Variants in SLC6A15 observed in about 807,000 individuals in gnomAD.
The protein encoded by SLC6A15 is sodium-dependent neutral amino acid transporter B(0)AT2.
In SLC6A15, 33 loss-of-function variants were observed where a neutral mutation model predicts 68.5. That is an observed-to-expected ratio of 0.48 (90% CI 0.37 to 0.64). The LOEUF is 0.64. Ranked by LOEUF, SLC6A15 falls within the 30% of genes least tolerant of loss-of-function variation. The pLI is 0.00. For synonymous variants in SLC6A15, 347 were observed against 301.0 expected, an observed-to-expected ratio of 1.15 and a Z score of -1.58; for missense variants, 747 against 874.3, an observed-to-expected ratio of 0.85 and a Z score of 1.84.
At chr12:84,863,404 C>A (rs776111840) in intron 11 of SLC6A15, 35 bp downstream of exon 11, 5 of 1,502,278 alleles carry the variant, frequency 3.3e-6, no homozygotes, top group Non-Finnish European at 8.9e-7. Flanking sequence ...TTTTATATAT[C>A]TTTTAAAAAT....
intron 4 of SLC6A15, 116 bp downstream of exon 4, chr12:84,885,319 G>T: frequency 1.0e-6 from 1 of 987,890 alleles, no homozygotes; most frequent in Non-Finnish European, 1.4e-6. Context: ...CTGTTATAAT[G>T]ATAATTTTGA....
chr12:84,879,265 T>A (rs1406443774), intron 5 of SLC6A15, among the ~76,000 whole-genome samples: 2 of 151,794 alleles, frequency 1.3e-5, no homozygotes, highest in African/African-American at 2.4e-5. Context: ...AAAATTTACA[T>A]CCCCCGTGAA....
At chr12:84,895,686 A>G (rs988106902) in intron 1 of SLC6A15, among the ~76,000 whole-genome samples, 15 of 152,082 alleles carry the variant, frequency 9.9e-5, no homozygotes, top group Admixed American at 5.9e-4. Flanking sequence ...CCCACTGAAC[A>G]TAAGAATTGA....
At chr12:84,898,100 G>C (rs1441251159) in intron 1 of SLC6A15, among the ~76,000 whole-genome samples, 1 of 152,194 alleles carries the variant, frequency 6.6e-6, no homozygotes, top group Non-Finnish European at 1.5e-5. Context: ...CCAGCACTGG[G>C]AGGCTGAGAT....
chr12:84,902,615 T>A (rs12367862), intron 1 of SLC6A15, among the ~76,000 whole-genome samples: 18,347 of 152,020 alleles, frequency 0.12, 1,228 homozygotes, highest in South Asian at 0.26. Context: ...TTTCAATGGG[T>A]GAATGGTTAA....
chr12:84,908,564 A>G (rs1479377024), intron 1 of SLC6A15, among the ~76,000 whole-genome samples: 1 of 149,216 alleles, frequency 6.7e-6, no homozygotes, highest in Non-Finnish European at 1.5e-5. Context: ...AATACAAAAT[A>G]CTGTAATAAG....
intron 2 of SLC6A15, among the ~76,000 whole-genome samples, chr12:84,888,052 G>GC (rs1286985344): frequency 3.3e-5 from 5 of 150,610 alleles, no homozygotes; most frequent in Admixed American, 1.3e-4. Context: ...ATGGTGAGAC[G>GC]CCCCCCGTCT....
chr12:84,892,506 T>C (rs1201902019), intron 1 of SLC6A15, among the ~76,000 whole-genome samples, 198 bp from the exon 2 acceptor site: 1 of 152,226 alleles, frequency 6.6e-6, no homozygotes, highest in Admixed American at 6.5e-5. Context: ...ACAATTTTCT[T>C]AGCTAACATC....
chr12:84,907,877 C>T (rs1243076809), intron 1 of SLC6A15, among the ~76,000 whole-genome samples: 1 of 152,156 alleles, frequency 6.6e-6, no homozygotes, highest in Non-Finnish European at 1.5e-5. Context: ...TACCAATATA[C>T]ATGACTTAGA....
At chr12:84,910,059 A>T (rs1263310399) in intron 1 of SLC6A15, among the ~76,000 whole-genome samples, 1 of 152,166 alleles carries the variant, frequency 6.6e-6, no homozygotes, top group Non-Finnish European at 1.5e-5. Flanking sequence ...CATAACTGTT[A>T]TCCAGTTTTA....
intron 1 of SLC6A15, among the ~76,000 whole-genome samples, chr12:84,896,146 T>C (rs1261594501): frequency 6.6e-6 from 1 of 152,166 alleles, no homozygotes; most frequent in Admixed American, 6.5e-5. Flanking sequence ...AAGCTATCAC[T>C]CACTGCACTT....
intron 10 of SLC6A15, among the ~76,000 whole-genome samples, chr12:84,864,099 C>T (rs1318360583): frequency 2.7e-5 from 4 of 150,382 alleles, no homozygotes; most frequent in African/African-American, 7.3e-5. Context: ...ACTACTTTTC[C>T]TAATAATTTT....
chr12:84,874,107 G>C (rs764654238), intron 6 of SLC6A15, among the ~76,000 whole-genome samples: 5 of 152,048 alleles, frequency 3.3e-5, no homozygotes, highest in African/African-American at 4.8e-5. Flanking sequence ...GTTTAAATTG[G>C]CATTTTATCT....
intron 9 of SLC6A15, chr12:84,867,877 T>G (rs1012024991): frequency 1.3e-5 from 2 of 152,182 alleles, no homozygotes; most frequent in African/African-American, 4.8e-5. Context: ...AAGAAACAGA[T>G]GCATAAATTT....
At chr12:84,911,278 C>T (rs1873446642) in intron 1 of SLC6A15, among the ~76,000 whole-genome samples, 1 of 152,188 alleles carries the variant, frequency 6.6e-6, no homozygotes, top group Non-Finnish European at 1.5e-5. Flanking sequence ...GCAAATCCTT[C>T]ATTTCTCCCA....
chr12:84,892,141 T>TAAAAAAA lies in SLC6A15; in HGVS notation c.-28_-22dup. On this transcript the variant is annotated 5_prime_UTR_variant, in exon 2 of 12. Transcript: ENST00000266682. ...GGCATTGGAGAGTATGCGAAGTATTTAAAAAAAAAAAAAAAAACTCCCTTA... is the reference window on the plus strand; with the variant it reads ...GGCATTGGAGAGTATGCGAAGTATTTAAAAAAAAAAAAAAAAAAAAAAAACTCCCTTA... 2.2e-6 allele frequency: 3 copies of TAAAAAAA among 1,342,724 alleles called. No homozygotes were observed. The highest frequency in any genetic ancestry group is 1.5e-5 in the African/African-American group (1 of 64,950). 83.2% of individuals were successfully genotyped at this position (1,342,724 alleles called of 1,614,324 possible). A position where few individuals can be genotyped will look rare whatever the true frequency, so the allele number is the denominator to read the frequency against.
intron 8 of SLC6A15, among the ~76,000 whole-genome samples, chr12:84,872,178 A>G (rs1332697199): frequency 6.6e-6 from 1 of 151,744 alleles, no homozygotes; most frequent in Non-Finnish European, 1.5e-5. Flanking sequence ...AAAGAACTTG[A>G]TCATGACTTG....
At chr12:84,877,444 G>T (rs898167478) in intron 5 of SLC6A15, among the ~76,000 whole-genome samples, 22 of 152,256 alleles carry the variant, frequency 1.4e-4, no homozygotes, top group Non-Finnish European at 2.8e-4. Flanking sequence ...AATGTCGTTG[G>T]AGTGAAGTGC....
chr12:84,897,980 A>G (rs1872698589), intron 1 of SLC6A15, among the ~76,000 whole-genome samples: 1 of 152,200 alleles, frequency 6.6e-6, no homozygotes, highest in African/African-American at 2.4e-5. Context: ...AATTGAAATG[A>G]GAGGAGAAAA....
Sources: gnomAD v4.1 joint callset for allele counts (sites outside exome capture counted in the v4.1 genomes callset) on GRCh38, gnomAD v4.1.1 for gene constraint, MANE v1.5 for transcripts, NCBI Gene and HGNC (gene_info 2026-07-23, HGNC 2026-07-21) for gene names.